The following MED12L variants were observed in gnomAD, a reference collection of about 807,000 sequenced individuals.
MED12L encodes the protein mediator of RNA polymerase II transcription subunit 12-like protein.
MED12L carries 60 observed loss-of-function variants against 281.3 expected under a neutral mutation model. The observed-to-expected ratio is 0.21, with a 90% CI of 0.17 to 0.26. The LOEUF (loss-of-function observed/expected upper bound fraction) is 0.26, where lower values mean the gene tolerates loss of function less well. Ranked by LOEUF, MED12L falls within the 10% of genes least tolerant of loss-of-function variation. The pLI is 1.00. For missense variants in MED12L, 2,146 were observed against 2,680.9 expected, an observed-to-expected ratio of 0.80 and a Z score of 4.41; for synonymous variants, 974 against 987.2, an observed-to-expected ratio of 0.99 and a Z score of 0.25.
intron 39 of MED12L, among the ~76,000 whole-genome samples, chr3:151,404,229 T>C (rs1716030439): frequency 6.6e-6 from 1 of 152,234 alleles, no homozygotes; most frequent in Non-Finnish European, 1.5e-5. Flanking sequence ...TATTTTTCTA[T>C]AATATTCTGC....
chr3:151,427,784 A>C (rs773994689), intron 43 of MED12L, among the ~76,000 whole-genome samples: 6 of 152,210 alleles, frequency 3.9e-5, no homozygotes, highest in Non-Finnish European at 8.8e-5. Context: ...AGGAGGAATA[A>C]GTTTTGTTGA....
chr3:151,299,356 C>CTTTTCTTTTCTTTTCT (rs762843885), intron 16 of MED12L, among the ~76,000 whole-genome samples: 226 of 94,406 alleles, frequency 2.4e-3, no homozygotes, highest in African/African-American at 7.9e-3. Flanking sequence ...TTCCTTCCTT[C>CTTTTCTTTTCTTTTCT]TTTCTTTTCT....
At position 151,435,541 on chromosome 3, in the gene MED12L, C is replaced by CTTAT. The variant is rs1553826141; in HGVS notation, c.*2739_*2742dup. The CTTAT allele has an allele frequency of 6.6e-6, 1 of 152,100 alleles. No homozygotes were observed. The highest frequency in any genetic ancestry group is 2.4e-5 in the African/African-American group (1 of 41,416). 9.4% of individuals were successfully genotyped at this position (152,100 alleles called of 1,614,324 possible). A position where few individuals can be genotyped will look rare whatever the true frequency, so the allele number is the denominator to read the frequency against. On this transcript the variant is annotated 3_prime_UTR_variant, in exon 45 of 45. Transcript: ENST00000687756. ...GTCTCAAATGATTGGCAGGGGCTAA[C>CTTAT]TTATTAGTAATTCTCGGTTTTGTGC...
At chr3:151,168,362 A>G (rs1354867614) in intron 11 of MED12L, among the ~76,000 whole-genome samples, 2 of 152,216 alleles carry the variant, frequency 1.3e-5, no homozygotes, top group East Asian at 3.8e-4. Flanking sequence ...GTTTTTACTA[A>G]AAAAACTCTT....
At chr3:151,197,229 T>G (rs995650284) in intron 16 of MED12L, among the ~76,000 whole-genome samples, 1 of 152,166 alleles carries the variant, frequency 6.6e-6, no homozygotes, top group African/African-American at 2.4e-5. Flanking sequence ...AGTGGCGCAG[T>G]CTCAGCTCAC....
At chr3:151,312,669 A>G (rs560986030) in intron 16 of MED12L, among the ~76,000 whole-genome samples, 1 of 152,310 alleles carries the variant, frequency 6.6e-6, no homozygotes, top group East Asian at 1.9e-4. Flanking sequence ...CTATCTTGCT[A>G]CATACAACAA....
chr3:151,300,092 G>A, intron 16 of MED12L: 3 of 1,607,752 alleles, frequency 1.9e-6, no homozygotes, highest in South Asian at 1.1e-5. Flanking sequence ...GCGTCAAGTT[G>A]AACCCCATTC....
intron 16 of MED12L, among the ~76,000 whole-genome samples, chr3:151,256,469 C>T (rs563341231): frequency 4.6e-5 from 7 of 152,220 alleles, no homozygotes; most frequent in Non-Finnish European, 1.0e-4. Flanking sequence ...TTGCCAGTCC[C>T]ACCCTGTCTC....
chr3:151,252,762 A>G (rs995747519), intron 16 of MED12L, among the ~76,000 whole-genome samples: 2 of 152,134 alleles, frequency 1.3e-5, no homozygotes, highest in Non-Finnish European at 2.9e-5. Context: ...GTTCATATGT[A>G]ATCTACTAAC....
Position 151,436,653 on chromosome 3 carries a change from A to G in MED12L, c.*3849A>G, listed in dbSNP as rs374459934. 5.5e-6 allele frequency: 8 copies of G among 1,445,448 alleles called. No homozygotes were observed. The highest frequency in any genetic ancestry group is 2.1e-4 in the Middle Eastern group (1 of 4,768). 89.5% of individuals were successfully genotyped at this position (1,445,448 alleles called of 1,614,324 possible). A position where few individuals can be genotyped will look rare whatever the true frequency, so the allele number is the denominator to read the frequency against. On this transcript the variant is annotated 3_prime_UTR_variant, in exon 45 of 45. Coordinates refer to ENST00000687756, the MANE Select transcript of MED12L (RefSeq NM_001393769.1). ...TGATTAAACTTCTTCCAAAAAATAA[A>G]TTCTGCCCAGATGTTGTTGACTTTA...
At chr3:151,259,586 A>G (rs1293979107) in intron 16 of MED12L, among the ~76,000 whole-genome samples, 1 of 152,202 alleles carries the variant, frequency 6.6e-6, no homozygotes, top group Non-Finnish European at 1.5e-5. Flanking sequence ...TTCAAATACT[A>G]AAAATTTTTT....
At chr3:151,195,662 T>C (rs189106889) in intron 16 of MED12L, among the ~76,000 whole-genome samples, 1 of 152,218 alleles carries the variant, frequency 6.6e-6, no homozygotes, top group Admixed American at 6.5e-5. Flanking sequence ...TGAGCTATCA[T>C]GATGTCTGGG....
At position 151,416,474 on chromosome 3, in the gene MED12L, G is replaced by A. The variant is rs777353496; in HGVS notation, c.6408+52G>A. 2.5e-6 allele frequency: 4 copies of A among 1,581,368 alleles called. No individual in the cohort carries two copies. The East Asian group carries it at 6.7e-5, about 27-fold the overall frequency. ...CATGTGGGTTTCTTCTTTAAAAGCA[G>A]GTTGCATTGTTCATGTTCATAAGAT... On this transcript the variant is annotated intron_variant, in intron 43 of 44. Coordinates refer to ENST00000687756, the MANE Select transcript of MED12L (RefSeq NM_001393769.1).
intron 15 of MED12L, among the ~76,000 whole-genome samples, chr3:151,193,131 C>G (rs1168787010): frequency 6.6e-6 from 1 of 152,052 alleles, no homozygotes; most frequent in African/African-American, 2.4e-5. Context: ...GTCTATTATT[C>G]ATTAGTCTTA....
chr3:151,251,248 A>G (rs563442844), intron 16 of MED12L, among the ~76,000 whole-genome samples: 6 of 152,176 alleles, frequency 3.9e-5, no homozygotes, highest in African/African-American at 1.4e-4. Flanking sequence ...TTCTACCCAG[A>G]TGCTTCTTGG....
intron 16 of MED12L, chr3:151,214,287 T>A: frequency 6.2e-7 from 1 of 1,613,812 alleles, no homozygotes; most frequent in Non-Finnish European, 8.5e-7. Context: ...AGGATTCATC[T>A]GGAGGCTGTG....
rs375136550 is a variant in MED12L at position 151,243,722 on chromosome 3, A to C, written c.2250+50056A>C. ...AACTGCATCAACTAACGAGCAAAAT[A>C]ACCAGCTAACATCATCATGACAGGA... On this transcript the variant is annotated intron_variant, in intron 16 of 44. Coordinates refer to ENST00000687756, the MANE Select transcript of MED12L (RefSeq NM_001393769.1). 5.3e-3 allele frequency among the ~76,000 whole-genome samples: 800 copies of C among 152,072 alleles called. 10 individuals carry two copies. The highest frequency in any genetic ancestry group is 0.028 in the South Asian group (136 of 4,798).
chr3:151,199,499 A>G, intron 16 of MED12L: 1 of 902,874 alleles, frequency 1.1e-6, no homozygotes, highest in Non-Finnish European at 1.7e-6. Context: ...TTTTCTTTAA[A>G]AGACATTGGT....
At chr3:151,126,090 C>T (rs1196100060) in intron 4 of MED12L, among the ~76,000 whole-genome samples, 2 of 150,580 alleles carry the variant, frequency 1.3e-5, no homozygotes, top group Non-Finnish European at 2.9e-5. Flanking sequence ...GCTGTATTGC[C>T]CAGACTGGAG....
Sources: gnomAD v4.1 joint callset for allele counts (sites outside exome capture counted in the v4.1 genomes callset) on GRCh38, gnomAD v4.1.1 for gene constraint, MANE v1.5 for transcripts, NCBI Gene and HGNC (gene_info 2026-07-23, HGNC 2026-07-21) for gene names.